Variants in TRIO observed in about 807,000 individuals in gnomAD.
TRIO encodes the protein trio Rho guanine nucleotide exchange factor.
Under a neutral mutation model 351.9 loss-of-function variants are expected in TRIO, and 58 were observed. The ratio of observed to expected loss-of-function variants is 0.16; its 90% CI spans 0.13 to 0.21. The LOEUF (loss-of-function observed/expected upper bound fraction) is 0.21. TRIO is among the 10% of genes least tolerant of loss of function. The pLI is 1.00. For synonymous variants in TRIO, 1,758 were observed against 1,595.7 expected (o/e 1.10, Z -2.42); for missense variants, 3,201 against 4,027.8 (o/e 0.79, Z 5.56).
Position 14,381,194 on chromosome 5 carries a change from G to A in TRIO, c.3512G>A (p.Ser1171Asn), listed in dbSNP as rs530189496. Residue 1171 changes from serine (S) to asparagine (N), a missense_variant, in exon 21 of 57, where the codon AGT becomes AAT. This residue lies in a region of TRIO where 201 missense variants were observed against 266.5 expected (regional missense o/e 0.75). Transcript: ENST00000344204. Reference protein sequence around the residue: ...YLSTHTSTGSSIQHTQELLKE... With the variant: ...YLSTHTSTGSNIQHTQELLKE... ...TCCACACACACCTCCACGGGCTCCA[G>A]TATACAGCACACCCAGGAGCTCCTG... 6.2e-7 allele frequency: 1 copy of A among 1,614,148 alleles called. No homozygotes were observed. Among genetic ancestry groups the A allele is most frequent in the African/African-American group, 1.3e-5 (1 of 75,034 alleles).
At chr5:14,404,172 G>A (rs1316106147) in intron 31 of TRIO, among the ~76,000 whole-genome samples, 1 of 151,828 alleles carries the variant, frequency 6.6e-6, no homozygotes, top group African/African-American at 2.4e-5. Flanking sequence ...TGATGGGAAT[G>A]GTGGTAGTGG....
At chr5:14,424,968 C>T (rs1214782477) in intron 34 of TRIO, among the ~76,000 whole-genome samples, 3 of 152,162 alleles carry the variant, frequency 2.0e-5, no homozygotes, top group Admixed American at 1.3e-4. Flanking sequence ...TATTCAGATT[C>T]CCTCTCCCAC....
At chr5:14,171,952 T>C (rs1038527853) in intron 1 of TRIO, among the ~76,000 whole-genome samples, 1 of 152,242 alleles carries the variant, frequency 6.6e-6, no homozygotes, top group African/African-American at 2.4e-5. Flanking sequence ...TATCCTTGTA[T>C]GCAAGGTGTC....
At chr5:14,317,304 A>G (rs1413894397) in intron 9 of TRIO, among the ~76,000 whole-genome samples, 12 of 152,356 alleles carry the variant, frequency 7.9e-5, no homozygotes, top group Admixed American at 6.5e-4. Flanking sequence ...TTATTATAGA[A>G]TAAGAGTTTT....
chr5:14,375,468 A>G (rs1745474504), intron 19 of TRIO, among the ~76,000 whole-genome samples: 1 of 152,216 alleles, frequency 6.6e-6, no homozygotes, highest in Admixed American at 6.5e-5. Flanking sequence ...TTAGATCTTC[A>G]TTATGCCTTT....
At chr5:14,294,499 C>A (rs1367020026) in intron 6 of TRIO, among the ~76,000 whole-genome samples, 1 of 152,036 alleles carries the variant, frequency 6.6e-6, no homozygotes, top group Non-Finnish European at 1.5e-5. Context: ...GTCTGCTATG[C>A]CACATACTTT....
rs1163765517 is a variant in TRIO, at chr5:14,390,914, A to G, written c.4142A>G (p.Gln1381Arg). ...HCFVTWADKFQMYVTYCKNKP... is the reference protein window; with the variant it reads ...HCFVTWADKFRMYVTYCKNKP... ...TTTGGCTTACAGGCAGACAAGTTTC[A>G]GATGTATGTCACATATTGCAAAAAT... Residue 1381 changes from glutamine (Q) to arginine (R), a missense_variant, in exon 27 of 57, where the codon CAG (glutamine) becomes CGG (arginine). Coordinates refer to ENST00000344204, the MANE Select transcript of TRIO (RefSeq NM_007118.4). 6.2e-7 allele frequency: 1 copy of G among 1,604,596 alleles called. No individual in the cohort carries two copies. The highest frequency in any genetic ancestry group is 8.5e-7 in the Non-Finnish European group (1 of 1,177,380).
At chr5:14,385,093 C>G (rs1288763118) in intron 21 of TRIO, among the ~76,000 whole-genome samples, 1 of 152,348 alleles carries the variant, frequency 6.6e-6, no homozygotes, top group Non-Finnish European at 1.5e-5. Context: ...AAGGTGGACC[C>G]CATGCTGCGT....
chr5:14,297,143 G>A lies in TRIO; in HGVS notation c.1248G>A (p.Ser416=), dbSNP rs370222007. The change falls in exon 7 of 57, where the codon TCG becomes TCA. Residue 416 remains serine (S), a synonymous_variant. Transcript: ENST00000344204. ...TGGTGGAGTCTGGCCACTATGCCTCGCAGCAGATCAGGCAGATCGCGAGTC... is the reference window on the plus strand; with the variant it reads ...TGGTGGAGTCTGGCCACTATGCCTCACAGCAGATCAGGCAGATCGCGAGTC... ...NRLVESGHYA[S]QQIRQIASQL... 3.2e-5 allele frequency: 51 copies of A among 1,614,034 alleles called. No individual in the cohort carries two copies. In the Middle Eastern group the frequency reaches 8.2e-4, roughly 26 times the overall value.
chr5:14,406,496 A>G (rs1179632573), intron 32 of TRIO, 77 bp from the exon 33 acceptor site: 18 of 1,420,458 alleles, frequency 1.3e-5, no homozygotes, highest in Non-Finnish European at 9.9e-7. Flanking sequence ...TATGCACCTC[A>G]TTAAACAAAT....
At position 14,508,492 on chromosome 5, in the gene TRIO, A is replaced by G. The variant is rs1304583616; in HGVS notation, c.*70A>G. 15 of 1,510,310 alleles carry G rather than the reference A, an allele frequency of 9.9e-6. No homozygotes were observed. Among genetic ancestry groups the G allele is most frequent in the Non-Finnish European group, 1.2e-5 (13 of 1,123,770 alleles). The allele number at this position is 1,510,310 out of a possible 1,614,324, so 93.6% of individuals were successfully genotyped here. On this transcript the variant is annotated 3_prime_UTR_variant, in exon 57 of 57. Coordinates refer to ENST00000344204, the MANE Select transcript of TRIO (RefSeq NM_007118.4). Reference sequence around the variant, plus strand: ...CTGTTAATCTGAATTTTCAAGAGAAAACAAGCAAACATAACTGATCAGCTG... The same window carrying G: ...CTGTTAATCTGAATTTTCAAGAGAAGACAAGCAAACATAACTGATCAGCTG...
chr5:14,184,057 G>T, intron 1 of TRIO: 1 of 681,936 alleles, frequency 1.5e-6, no homozygotes, highest in Non-Finnish European at 2.7e-6. Flanking sequence ...GATGGACCTT[G>T]ACCTCAGAGC....
intron 31 of TRIO, among the ~76,000 whole-genome samples, 158 bp downstream of exon 31, chr5:14,401,222 A>G (rs566137516): frequency 6.6e-6 from 1 of 152,332 alleles, no homozygotes; most frequent in South Asian, 2.1e-4. Context: ...GAATAGTGGA[A>G]TAAATTCAGT....
At chr5:14,430,559 G>T (rs1751012664) in intron 34 of TRIO, among the ~76,000 whole-genome samples, 1 of 152,112 alleles carries the variant, frequency 6.6e-6, no homozygotes, top group African/African-American at 2.4e-5. Context: ...CTATGCAGTT[G>T]CAAGAGATAC....
rs1465985080 is a variant in TRIO, at chr5:14,487,675, C to G, written c.7047C>G (p.Pro2349=). The part of the protein sequence containing the change: ...SRIPQPVRHH[P]PVLVSSAASS... ...TCCCCCAGCCTGTCCGACACCACCC[C>G]CCCGTGCTGGTCTCCTCTGCAGCCT... Residue 2349 remains proline, a synonymous_variant, in exon 48 of 57, where the codon CCC becomes CCG. Coordinates refer to ENST00000344204, the MANE Select transcript of TRIO (RefSeq NM_007118.4). 7 of 1,410,386 alleles carry G rather than the reference C, an allele frequency of 5.0e-6. No individual in the cohort carries two copies. The highest frequency in any genetic ancestry group is 1.6e-5 in the South Asian group (1 of 64,388). The allele number at this position is 1,410,386 out of a possible 1,614,324, so 87.4% of individuals were successfully genotyped here. A position where few individuals can be genotyped will look rare whatever the true frequency, so the allele number is the denominator to read the frequency against.
intron 48 of TRIO, among the ~76,000 whole-genome samples, chr5:14,491,123 A>G (rs1756452929): frequency 6.6e-6 from 1 of 152,162 alleles, no homozygotes; most frequent in South Asian, 2.1e-4. Context: ...TAGCCCTGGC[A>G]CCTGGAATTC....
intron 1 of TRIO, among the ~76,000 whole-genome samples, chr5:14,164,892 T>G (rs1788676968): frequency 6.6e-6 from 1 of 152,190 alleles, no homozygotes; most frequent in Non-Finnish European, 1.5e-5. Context: ...TTTAGTTACT[T>G]TACAAACACT....
At chr5:14,481,194 C>T (rs373870431) in intron 43 of TRIO, 40 bp from the exon 44 acceptor site, 23 of 1,590,376 alleles carry the variant, frequency 1.4e-5, no homozygotes, top group Non-Finnish European at 2.0e-5. Context: ...CTGCTGTTGT[C>T]TTTGTCACCA....
chr5:14,172,710 A>G (rs975117608), intron 1 of TRIO, among the ~76,000 whole-genome samples: 2 of 152,268 alleles, frequency 1.3e-5, no homozygotes, highest in Non-Finnish European at 2.9e-5. Flanking sequence ...CATTGGATTC[A>G]GTTAAACAAA....
Sources: allele counts gnomAD v4.1 joint callset (sites outside exome capture counted in the v4.1 genomes callset), GRCh38; gene constraint gnomAD v4.1.1; regional missense constraint gnomAD v4.1.1; transcripts MANE v1.5; gene names NCBI Gene and HGNC (gene_info 2026-07-23, HGNC 2026-07-21).